The following PCDH1 variants were observed in gnomAD, a reference collection of about 807,000 sequenced individuals.
PCDH1 encodes the protein protocadherin-1.
A neutral mutation model predicts 74.6 loss-of-function variants in PCDH1; 23 were observed. That is an observed-to-expected ratio of 0.31 (90% CI 0.22 to 0.44). The LOEUF is 0.44. PCDH1 is among the 20% of genes least tolerant of loss of function. PCDH1 has a pLI of 1.00. For synonymous variants in PCDH1, 647 were observed against 686.1 expected (o/e 0.94, Z 0.89); for missense variants, 1,214 against 1,641.4 (o/e 0.74, Z 4.50).
At chr5:141,856,447 G>C (rs1642229613) in intron 4 of PCDH1, among the ~76,000 whole-genome samples, 1 of 152,142 alleles carries the variant, frequency 6.6e-6, no homozygotes. Context: ...AGGAGGCTTT[G>C]AGTTGAGGGA....
rs1752771098 is a variant in PCDH1 at position 141,865,271 on chromosome 5, G to A, written c.1060C>T (p.Arg354Cys). The change falls in exon 3 of 5, where the codon CGC becomes TGC. Residue 354 changes from arginine (R) to cysteine (C), a missense_variant. Around this residue, in one of 4 missense-constraint regions of PCDH1, gnomAD observed 836 missense variants for 1,182.2 expected, o/e 0.71. Coordinates refer to ENST00000287008, the MANE Select transcript of PCDH1 (RefSeq NM_032420.5). The surrounding 1 kb of genome is among the most constrained non-coding windows in gnomAD (Gnocchi z 4.4). ...CGGTCCTTAGCAAGCACTGAGAAGC[G>A]CAGGGTGCTTAGGTCCTCACGGTCC... ...PVDREDLSTL[R>C]FSVLAKDRGT... 10 of 1,614,150 alleles carry A rather than the reference G, an allele frequency of 6.2e-6. No homozygotes were observed. The highest frequency in any genetic ancestry group is 2.2e-5 in the East Asian group (1 of 44,882).
At position 141,854,053 on chromosome 5, in the gene PCDH1, T is replaced by C. The variant is rs750631632; in HGVS notation, c.3703A>G (p.Ile1235Val). The C allele has an allele frequency of 1.3e-6, 2 of 1,514,146 alleles. No homozygotes were observed. The highest frequency in any genetic ancestry group is 1.3e-5 in the South Asian group (1 of 75,264). 93.8% of individuals were successfully genotyped at this position (1,514,146 alleles called of 1,614,324 possible). A position where few individuals can be genotyped will look rare whatever the true frequency, so the allele number is the denominator to read the frequency against. ...PASAQTAKRE[I>V]YL is the part of the protein sequence containing the mutation. ...GGCCAGTAGGGGGCTCACAGGTAGA[T>C]CTCGCGCTTGGCCGTCTGGGCAGAT... Residue 1235 changes from isoleucine (I) to valine (V), a missense_variant, in exon 5 of 5, where the codon ATC (isoleucine) becomes GTC (valine). Physicochemically the swap from Ile to Val is conservative, Grantham distance 29 (BLOSUM62 3). This residue lies in a region of PCDH1 where 194 missense variants were observed against 198.3 expected (regional missense o/e 0.98). Transcript: ENST00000287008.
chr5:141,862,967 G>A (rs781419191), intron 3 of PCDH1: 16 of 1,250,316 alleles, frequency 1.3e-5, no homozygotes, highest in Admixed American at 7.6e-5. Flanking sequence ...CAGGGTCCAG[G>A]GACTTGGCAA....
intron 1 of PCDH1, among the ~76,000 whole-genome samples, chr5:141,870,378 AG>A (rs1444054414): frequency 1.3e-5 from 2 of 152,162 alleles, no homozygotes; most frequent in Non-Finnish European, 2.9e-5. Flanking sequence ...AAGGGAACAC[AG>A]GTCAAGATTG....
chr5:141,873,132 C>CT (rs879505435), intron 1 of PCDH1, among the ~76,000 whole-genome samples: 129 of 144,668 alleles, frequency 8.9e-4, no homozygotes, highest in East Asian at 4.0e-3. Context: ...CCTGCAAACT[C>CT]TTTTTTTTTT....
intron 2 of PCDH1, among the ~76,000 whole-genome samples, chr5:141,867,032 G>A (rs530516791): frequency 2.0e-5 from 3 of 152,298 alleles, no homozygotes. Flanking sequence ...ACATCTCTGA[G>A]TGCCAAACCC....
At position 141,865,646 on chromosome 5, in the gene PCDH1, C is replaced by T. The variant is rs1428009591; in HGVS notation, c.904-219G>A. Among the ~76,000 whole-genome samples the T allele has an allele frequency of 6.6e-6, 1 of 152,228 alleles. No homozygotes were observed. Among genetic ancestry groups the T allele is most frequent in the Non-Finnish European group, 1.5e-5 (1 of 68,044 alleles). On this transcript the variant is annotated intron_variant, in intron 2 of 4. Transcript: ENST00000287008. The surrounding 1 kb of genome is among the most constrained non-coding windows in gnomAD (Gnocchi z 4.4). ...CCTATTTTCCTGAAGAGCCCAGATG[C>T]AGCCTGCAAATCCTCAACAGTGCTA...
At position 141,864,580 on chromosome 5, in the gene PCDH1, G is replaced by A; in HGVS notation, c.1751C>T (p.Ala584Val). ...GAGGCTAGGACTGCCCCGGTCAGCT[G>A]CCACCACCTTCAACTCATAGCTCTC... is the stretch of plus-strand genomic sequence containing the variant. ...QRESYELKVV[A>V]ADRGSPSLQG... The change falls in exon 3 of 5, where the codon GCA becomes GTA. Residue 584 changes from alanine (A) to valine (V), a missense_variant. Ala to Val is a moderately conservative substitution (Grantham distance 64). Coordinates refer to ENST00000287008, the MANE Select transcript of PCDH1 (RefSeq NM_032420.5). The surrounding 1 kb of genome is among the most constrained non-coding windows in gnomAD (Gnocchi z 5.9). The A allele has an allele frequency of 6.2e-7, 1 of 1,613,818 alleles. No homozygotes were observed. The highest frequency in any genetic ancestry group is 8.5e-7 in the Non-Finnish European group (1 of 1,180,022).
Position 141,864,446 on chromosome 5 carries a change from T to C in PCDH1, c.1885A>G (p.Ser629Gly). 1 of 1,614,162 alleles carries C rather than the reference T, an allele frequency of 6.2e-7. No homozygotes were observed. Among genetic ancestry groups the C allele is most frequent in the Non-Finnish European group, 8.5e-7 (1 of 1,180,016 alleles). ...ATGACAGTCACCATGCCCACTGGAC[T>C]CAGTGCTGGCATGTTCTCCATCACT... Reference protein sequence around the residue: ...FSVMENMPALSPVGMVTVIDG... With the variant: ...FSVMENMPALGPVGMVTVIDG... The change falls in exon 3 of 5, where the codon AGT becomes GGT. Residue 629 changes from serine (S) to glycine (G), a missense_variant. Around this residue, in one of 4 missense-constraint regions of PCDH1, gnomAD observed 836 missense variants for 1,182.2 expected, o/e 0.71. Coordinates refer to ENST00000287008, the MANE Select transcript of PCDH1 (RefSeq NM_032420.5). The surrounding 1 kb of genome is among the most constrained non-coding windows in gnomAD (Gnocchi z 5.9).
At position 141,868,527 on chromosome 5, in the gene PCDH1, G is replaced by C. The variant is rs558719740; in HGVS notation, c.903+42C>G. ...CTGGTTGGGTGGGCTCCCATTTCTAGTGGTGGGTCACCCTGACAGTTATAC... is the reference window on the plus strand; with the variant it reads ...CTGGTTGGGTGGGCTCCCATTTCTACTGGTGGGTCACCCTGACAGTTATAC... On this transcript the variant is annotated intron_variant, in intron 2 of 4. Transcript: ENST00000287008. The surrounding 1 kb of genome is among the most constrained non-coding windows in gnomAD (Gnocchi z 4.8). The C allele has an allele frequency of 3.3e-6, 5 of 1,513,662 alleles. No homozygotes were observed. In the Middle Eastern group the frequency reaches 7.2e-4, roughly 217 times the overall value. 93.8% of individuals were successfully genotyped at this position (1,513,662 alleles called of 1,614,324 possible).
chr5:141,867,970 C>T (rs889535981), intron 2 of PCDH1, among the ~76,000 whole-genome samples: 3 of 152,236 alleles, frequency 2.0e-5, no homozygotes, highest in African/African-American at 7.2e-5. Context: ...CTGAACCCCA[C>T]TGTACCAAGC....
chr5:141,862,716 T>C, intron 3 of PCDH1: 2 of 992,938 alleles, frequency 2.0e-6, no homozygotes, highest in Non-Finnish European at 2.4e-6. Context: ...AGAAGCCTAG[T>C]GGTGAGGAAG....
rs1308449010 is a variant in PCDH1 at position 141,863,469 on chromosome 5, C to A, written c.2862G>T (p.Leu954=). 1 of 1,587,372 alleles carries A rather than the reference C, an allele frequency of 6.3e-7. No homozygotes were observed. Among genetic ancestry groups the A allele is most frequent in the Non-Finnish European group, 8.6e-7 (1 of 1,165,862 alleles). ...GGCTGCCTGGTGGGTAGTTGAGGGG[C>A]AGGTGGATGCGGGGACTGTCCCCAG... ...DAPGDSPRIH[L]PLNYPPGSPD... Residue 954 remains leucine (L), a synonymous_variant, in exon 3 of 5, where the codon CTG becomes CTT. Transcript: ENST00000287008. The surrounding 1 kb of genome is among the most constrained non-coding windows in gnomAD (Gnocchi z 7.5).
chr5:141,864,753 A>G lies in PCDH1; in HGVS notation c.1578T>C (p.Ala526=). 1 of 1,614,104 alleles carries G rather than the reference A, an allele frequency of 6.2e-7. No homozygotes were observed. Residue 526 remains alanine (A), a synonymous_variant, in exon 3 of 5, where the codon GCT becomes GCC. Transcript: ENST00000287008. The surrounding 1 kb of genome is among the most constrained non-coding windows in gnomAD (Gnocchi z 5.9). ...AGTCAGCATCACTGGCAGTGATCTC[A>G]GCAATCACTTCACCAGGCTTGTTGT... ...PENNKPGEVI[A]EITASDADSG...
chr5:141,867,884 C>A (rs1392622078), intron 2 of PCDH1, among the ~76,000 whole-genome samples: 1 of 152,220 alleles, frequency 6.6e-6, no homozygotes, highest in Non-Finnish European at 1.5e-5. Context: ...CCCAGCCCCA[C>A]CAAGCTGCCT....
Position 141,868,349 on chromosome 5 carries a change from A to G in PCDH1, c.903+220T>C, listed in dbSNP as rs997296122. Among the ~76,000 whole-genome samples the G allele has an allele frequency of 6.6e-6, 1 of 152,210 alleles. No individual in the cohort carries two copies. Among genetic ancestry groups the G allele is most frequent in the Non-Finnish European group, 1.5e-5 (1 of 68,038 alleles). On this transcript the variant is annotated intron_variant, in intron 2 of 4. Coordinates refer to ENST00000287008, the MANE Select transcript of PCDH1 (RefSeq NM_032420.5). This position sits in a 1 kb window ranked among gnomAD's most constrained non-coding sequence, Gnocchi z 4.8. ...TTAGGGGTCACGGGAAACTGTTCAT[A>G]TGCTATTTCACTGTCACCTAAGTAG...
intron 1 of PCDH1, among the ~76,000 whole-genome samples, chr5:141,876,375 AGCGGCGCAGCGGGCGCCAGGAGGGG>A (rs1211865847): frequency 6.6e-6 from 1 of 151,934 alleles, no homozygotes; most frequent in Non-Finnish European, 1.5e-5. Context: ...AGCCGGCGCG[AGCGGCGCAGCGGGCGCCAGGAGGGG>A]GCGGGGAGGG....
chr5:141,870,638 C>G (rs1753069932), intron 1 of PCDH1, among the ~76,000 whole-genome samples: 1 of 152,154 alleles, frequency 6.6e-6, no homozygotes, highest in African/African-American at 2.4e-5. Context: ...CTCCCAACCT[C>G]TGCCCTAGTC....
rs1162494354 is a variant in PCDH1 at position 141,853,868 on chromosome 5, G to A, written c.*174C>T. The A allele has an allele frequency of 1.0e-5, 5 of 499,226 alleles. No individual in the cohort carries two copies. The highest frequency in any genetic ancestry group is 3.1e-5 in the East Asian group (1 of 32,354). 30.9% of individuals were successfully genotyped at this position (499,226 alleles called of 1,614,324 possible). A position where few individuals can be genotyped will look rare whatever the true frequency, so the allele number is the denominator to read the frequency against. On this transcript the variant is annotated 3_prime_UTR_variant, in exon 5 of 5. Transcript: ENST00000287008. ...CTGGGAGATGGAAATGAGGGGAGAG[G>A]ACCTGGACCCTGCATGGGAGAAGGG...
Sources: gnomAD v4.1 joint callset for allele counts (sites outside exome capture counted in the v4.1 genomes callset) on GRCh38, gnomAD v4.1.1 for gene constraint, gnomAD v4.1.1 regional missense constraint, Gnocchi (gnomAD v3.1) non-coding constraint, MANE v1.5 for transcripts, NCBI Gene and HGNC (gene_info 2026-07-23, HGNC 2026-07-21) for gene names.